The following SLC35F1 variants were observed in gnomAD, a reference collection of about 807,000 sequenced individuals.
SLC35F1 encodes chromosome 6 open reading frame 169.
A neutral mutation model predicts 48.7 loss-of-function variants in SLC35F1; 14 were observed. The ratio of observed to expected loss-of-function variants is 0.29; its 90% CI spans 0.19 to 0.45. SLC35F1 has a LOEUF of 0.45. Among genes scored for constraint, SLC35F1 ranks in the 20% least tolerant of loss-of-function variants. The pLI is 1.00. For synonymous variants in SLC35F1, 190 were observed against 202.2 expected (o/e 0.94, Z 0.51); for missense variants, 404 against 500.0 (o/e 0.81, Z 1.83).
chr6:118,013,348 G>A (rs778396334), intron 1 of SLC35F1, among the ~76,000 whole-genome samples: 4 of 152,168 alleles, frequency 2.6e-5, no homozygotes, highest in Non-Finnish European at 5.9e-5. Context: ...GATCTGCAGT[G>A]TATGAATTAC....
intron 6 of SLC35F1, among the ~76,000 whole-genome samples, chr6:118,284,822 G>A (rs1387799504): frequency 1.3e-5 from 2 of 151,862 alleles, no homozygotes; most frequent in Non-Finnish European, 2.9e-5. Flanking sequence ...AAAACTAAGA[G>A]GTAAAAAAAA....
intron 2 of SLC35F1, among the ~76,000 whole-genome samples, chr6:118,221,240 T>C (rs1196527645): frequency 1.3e-5 from 2 of 152,066 alleles, no homozygotes; most frequent in Non-Finnish European, 2.9e-5. Context: ...ATAAGGACTT[T>C]TGTGGTCCAA....
At chr6:118,313,829 GT>G (rs1776398662) in intron 7 of SLC35F1, among the ~76,000 whole-genome samples, 198 bp from the exon 8 acceptor site, 1 of 152,160 alleles carries the variant, frequency 6.6e-6, no homozygotes, top group Non-Finnish European at 1.5e-5. Flanking sequence ...TAGCCACAGG[GT>G]CTAGGAAAGA....
chr6:118,087,405 G>A (rs904752613), intron 1 of SLC35F1, among the ~76,000 whole-genome samples: 2 of 152,116 alleles, frequency 1.3e-5, no homozygotes, highest in Admixed American at 1.3e-4. Context: ...TATTCGTTTT[G>A]AGGAGATCAC....
At chr6:118,278,445 G>T (rs566856599) in intron 6 of SLC35F1, among the ~76,000 whole-genome samples, 6 of 152,144 alleles carry the variant, frequency 3.9e-5, no homozygotes, top group African/African-American at 1.4e-4. Flanking sequence ...ATAAACTCCC[G>T]TGCATCACTT....
chr6:117,910,915 A>C (rs980542018), intron 1 of SLC35F1, among the ~76,000 whole-genome samples: 1 of 152,222 alleles, frequency 6.6e-6, no homozygotes, highest in Non-Finnish European at 1.5e-5. Flanking sequence ...TTGCTCATCA[A>C]TAATTAATTA....
chr6:118,002,117 C>T (rs4433007), intron 1 of SLC35F1, among the ~76,000 whole-genome samples: 84,679 of 142,744 alleles, frequency 0.59, 24,943 homozygotes, highest in East Asian at 0.78. Context: ...ACCCAAAGGA[C>T]TATAAATCAT....
At chr6:118,208,774 C>T (rs1396949855) in intron 2 of SLC35F1, among the ~76,000 whole-genome samples, 6 of 152,082 alleles carry the variant, frequency 3.9e-5, no homozygotes, top group South Asian at 2.1e-4. Flanking sequence ...CCAAGTGTGG[C>T]GCTGTGGCAT....
intron 2 of SLC35F1, among the ~76,000 whole-genome samples, chr6:118,171,270 G>T (rs999912477): frequency 1.8e-4 from 27 of 151,898 alleles, no homozygotes; most frequent in African/African-American, 6.5e-4. Flanking sequence ...GAACTCCAGG[G>T]CTCAAGAACT....
intron 7 of SLC35F1, among the ~76,000 whole-genome samples, chr6:118,291,636 G>T (rs1246777997): frequency 2.0e-5 from 3 of 152,162 alleles, no homozygotes; most frequent in Non-Finnish European, 4.4e-5. Flanking sequence ...CCTTTGAGCT[G>T]CCAGGCATTC....
chr6:118,232,333 C>T (rs1171791060), intron 2 of SLC35F1, among the ~76,000 whole-genome samples: 1 of 152,054 alleles, frequency 6.6e-6, no homozygotes, highest in Non-Finnish European at 1.5e-5. Context: ...AGGCGGATCA[C>T]AAGGTCAGGA....
At chr6:118,086,995 TCTGA>T (rs1773000364) in intron 1 of SLC35F1, among the ~76,000 whole-genome samples, 1 of 152,240 alleles carries the variant, frequency 6.6e-6, no homozygotes, top group East Asian at 1.9e-4. Context: ...GGTCTACATG[TCTGA>T]CTGTGTTCTT....
intron 7 of SLC35F1, among the ~76,000 whole-genome samples, chr6:118,289,632 CTT>C (rs1399980931): frequency 6.6e-6 from 1 of 152,024 alleles, no homozygotes; most frequent in African/African-American, 2.4e-5. Context: ...TTTATTTAAA[CTT>C]ATCATGTATA....
intron 1 of SLC35F1, among the ~76,000 whole-genome samples, chr6:118,119,066 ACTAAAGCTAT>A (rs1285818387): frequency 6.6e-6 from 1 of 152,094 alleles, no homozygotes; most frequent in Non-Finnish European, 1.5e-5. Context: ...CTTATGTTGA[ACTAAAGCTAT>A]GTGACTATAG....
At chr6:117,969,508 T>C (rs1396218298) in intron 1 of SLC35F1, among the ~76,000 whole-genome samples, 1 of 152,150 alleles carries the variant, frequency 6.6e-6, no homozygotes, top group Non-Finnish European at 1.5e-5. Flanking sequence ...TAGGATCGCT[T>C]GAGATGAGTT....
chr6:118,082,360 G>A (rs1772923665), intron 1 of SLC35F1, among the ~76,000 whole-genome samples: 1 of 152,156 alleles, frequency 6.6e-6, no homozygotes, highest in Non-Finnish European at 1.5e-5. Context: ...CTGATAACTA[G>A]TGACAGAATG....
chr6:118,182,959 G>C (rs1365761558), intron 2 of SLC35F1, among the ~76,000 whole-genome samples: 1 of 152,130 alleles, frequency 6.6e-6, no homozygotes, highest in African/African-American at 2.4e-5. Flanking sequence ...TTATTATCAT[G>C]ATTCCTCTGT....
At chr6:118,295,579 C>T (rs1261373840) in intron 7 of SLC35F1, among the ~76,000 whole-genome samples, 1 of 152,184 alleles carries the variant, frequency 6.6e-6, no homozygotes, top group East Asian at 1.9e-4. Flanking sequence ...TCAGTAATGT[C>T]ACTGCACTTG....
intron 3 of SLC35F1, among the ~76,000 whole-genome samples, chr6:118,247,164 C>A (rs1475249620): frequency 1.3e-5 from 2 of 152,336 alleles, no homozygotes; most frequent in Non-Finnish European, 2.9e-5. Flanking sequence ...TCTTGGATAA[C>A]AAATTTAAGA....
Sources: gnomAD v4.1 joint callset for allele counts (sites outside exome capture counted in the v4.1 genomes callset) on GRCh38, gnomAD v4.1.1 for gene constraint, MANE v1.5 for transcripts, NCBI Gene and HGNC (gene_info 2026-07-23, HGNC 2026-07-21) for gene names.